Variants in CAMKV observed in about 807,000 individuals in gnomAD.
The protein encoded by CAMKV is caM kinase-like vesicle-associated protein.
A neutral mutation model predicts 50.2 loss-of-function variants in CAMKV; 5 were observed. That is an observed-to-expected ratio of 0.10 (90% CI 0.05 to 0.21). The LOEUF (loss-of-function observed/expected upper bound fraction) is 0.21. Among genes scored for constraint, CAMKV ranks in the 10% least tolerant of loss-of-function variants. The pLI, the probability that CAMKV is intolerant of heterozygous loss-of-function variation, is 1.00. For synonymous variants in CAMKV, 229 were observed against 250.1 expected, an observed-to-expected ratio of 0.92 and a Z score of 0.80; for missense variants, 361 against 650.5, an observed-to-expected ratio of 0.55 and a Z score of 4.84.
chr3:49,859,000 G>A lies in CAMKV; in HGVS notation c.*318C>T, dbSNP rs879804260. 1.7e-4 allele frequency: 46 copies of A among 264,594 alleles called. No homozygotes were observed. The highest frequency in any genetic ancestry group is 5.7e-4 in the African/African-American group (26 of 45,662). The allele number at this position is 264,594 out of a possible 1,614,324, so 16.4% of individuals were successfully genotyped here. A position where few individuals can be genotyped will look rare whatever the true frequency, so the allele number is the denominator to read the frequency against. On this transcript the variant is annotated 3_prime_UTR_variant, in exon 11 of 11. Transcript: ENST00000477224. ...TGAGGCAAGAAGGGAAGGGGAAGGA[G>A]AGCAGGAGCCCCCTGAGTATCCCTA...
rs550959053 is a variant in CAMKV, at chr3:49,858,550, T to C, written c.*768A>G. 7.6e-6 allele frequency: 3 copies of C among 393,586 alleles called. No individual in the cohort carries two copies. In the South Asian group the frequency reaches 4.3e-4, roughly 56 times the overall value. 24.4% of individuals were successfully genotyped at this position (393,586 alleles called of 1,614,324 possible). ...TGTACTCTGCCCTGCCAGGTCTCAT[T>C]GCCACGTCCTAATTGTTCCTCCTTT... On this transcript the variant is annotated 3_prime_UTR_variant, in exon 11 of 11. Coordinates refer to ENST00000477224, the MANE Select transcript of CAMKV (RefSeq NM_024046.5).
In CAMKV at chr3:49,861,985, GC is replaced by G. The variant is rs1372017461; in HGVS notation, c.227+59del. The G allele has an allele frequency of 1.9e-6, 3 of 1,610,832 alleles. No individual in the cohort carries two copies. The highest frequency in any genetic ancestry group is 2.5e-6 in the Non-Finnish European group (3 of 1,178,320). On this transcript the variant is annotated intron_variant, in intron 3 of 10. Coordinates refer to ENST00000477224, the MANE Select transcript of CAMKV (RefSeq NM_024046.5). This position sits in a 1 kb window ranked among gnomAD's most constrained non-coding sequence, Gnocchi z 7.7. ...AGGCTGGGACTGCCTGAGGCCACTT[GC>G]CCTCTAAGCCCTTCCCTGCTGCCTC...
intron 1 of CAMKV, among the ~76,000 whole-genome samples, chr3:49,868,805 C>T: frequency 6.6e-6 from 1 of 152,190 alleles, no homozygotes; most frequent in East Asian, 1.9e-4. Flanking sequence ...GGGAGTACAG[C>T]ACAGGGACTG....
chr3:49,864,650 T>C (rs1193939788), intron 1 of CAMKV, among the ~76,000 whole-genome samples: 2 of 152,164 alleles, frequency 1.3e-5, no homozygotes, highest in African/African-American at 4.8e-5. Flanking sequence ...AGTGTGACAC[T>C]GGGGCTACAG....
rs1329897289 is a variant in CAMKV at position 49,860,125 on chromosome 3, A to G, written c.942+46T>C. On this transcript the variant is annotated intron_variant, in intron 10 of 10. Transcript: ENST00000477224. This position sits in a 1 kb window ranked among gnomAD's most constrained non-coding sequence, Gnocchi z 6.1. ...TGCAGGCAAGAAACTGAGTGCCAGA[A>G]GCAATACTTGGGATAGAGCCAAGAA... The G allele has an allele frequency of 1.3e-6, 2 of 1,532,174 alleles. No homozygotes were observed. Among genetic ancestry groups the G allele is most frequent in the Non-Finnish European group, 1.8e-6 (2 of 1,105,716 alleles). 94.9% of individuals were successfully genotyped at this position (1,532,174 alleles called of 1,614,324 possible).
intron 1 of CAMKV, among the ~76,000 whole-genome samples, chr3:49,866,014 G>A (rs2082062235): frequency 6.6e-6 from 1 of 152,210 alleles, no homozygotes; most frequent in Non-Finnish European, 1.5e-5. Flanking sequence ...TCAGCCTGGA[G>A]CCATGTCCTG....
In CAMKV at chr3:49,861,280, G is replaced by A. The variant is rs748361726; in HGVS notation, c.462C>T (p.Tyr154=). 8.1e-6 allele frequency: 13 copies of A among 1,614,004 alleles called. No homozygotes were observed. The highest frequency in any genetic ancestry group is 1.1e-5 in the Non-Finnish European group (13 of 1,180,046). ...RNLKLENLVY[Y]NRLKNSKIVI... ...CAATCTTCGAGTTCTTCAGCCGGTT[G>A]TAGTAAACCAGGTTCTCCAGCTGTG... The change falls in exon 6 of 11, where the codon TAC becomes TAT. Residue 154 remains tyrosine (Y), a synonymous_variant. Coordinates refer to ENST00000477224, the MANE Select transcript of CAMKV (RefSeq NM_024046.5). The surrounding 1 kb of genome is among the most constrained non-coding windows in gnomAD (Gnocchi z 7.7).
At position 49,859,603 on chromosome 3, in the gene CAMKV, A is replaced by T. The variant is rs1326421924; in HGVS notation, c.1221T>A (p.Asp407Glu). 1 of 1,613,992 alleles carries T rather than the reference A, an allele frequency of 6.2e-7. No individual in the cohort carries two copies. The highest frequency in any genetic ancestry group is 1.7e-5 in the Admixed American group (1 of 60,016). ...ATDGSVTPAT[D>E]GSITPATDGS... ...CATCAGTGGCTGGAGTGATGCTTCC[A>T]TCGGTGGCTGGGGTGACACTGCCAT... The change falls in exon 11 of 11, where the codon GAT (aspartate) becomes GAA (glutamate). Residue 407 changes from aspartate (D) to glutamate (E), a missense_variant. Coordinates refer to ENST00000477224, the MANE Select transcript of CAMKV (RefSeq NM_024046.5). This position sits in a 1 kb window ranked among gnomAD's most constrained non-coding sequence, Gnocchi z 5.5.
rs540727920 is a variant in CAMKV at position 49,862,993 on chromosome 3, A to G, written c.-14-591T>C. Among the ~76,000 whole-genome samples, 2 of 152,392 alleles carry G rather than the reference A, an allele frequency of 1.3e-5. No homozygotes were observed. The highest frequency in any genetic ancestry group is 4.8e-5 in the African/African-American group (2 of 41,594). On this transcript the variant is annotated intron_variant, in intron 1 of 10. Transcript: ENST00000477224. The surrounding 1 kb of genome is among the most constrained non-coding windows in gnomAD (Gnocchi z 5.2). ...ATAGTAGCCATATACATAATCGCCAAAAATTGAAAACAGACCAAATACCAC... is the reference window on the plus strand; with the variant it reads ...ATAGTAGCCATATACATAATCGCCAGAAATTGAAAACAGACCAAATACCAC...
chr3:49,859,791 T>C lies in CAMKV; in HGVS notation c.1033A>G (p.Thr345Ala), dbSNP rs1471051101. The change falls in exon 11 of 11, where the codon ACT becomes GCT. Residue 345 changes from threonine to alanine, a missense_variant. Coordinates refer to ENST00000477224, the MANE Select transcript of CAMKV (RefSeq NM_024046.5). The surrounding 1 kb of genome is among the most constrained non-coding windows in gnomAD (Gnocchi z 5.5). ...AAAQSASATDTATPGAAGGAT... is the reference protein window; with the variant it reads ...AAAQSASATDAATPGAAGGAT... ...CCACCTGCAGCCCCGGGGGTGGCAG[T>C]GTCTGTGGCTGAGGCCGACTGGGCT... 1 of 1,551,620 alleles carries C rather than the reference T, an allele frequency of 6.4e-7. No homozygotes were observed. The highest frequency in any genetic ancestry group is 1.2e-5 in the South Asian group (1 of 81,576).
In CAMKV at chr3:49,861,022, C is replaced by G. The variant is rs772383085; in HGVS notation, c.563-4G>C. The stretch of plus-strand genomic sequence containing the variant: ...TGCCGGCCTACCACCTCTGGGGCTA[C>G]AAACACAGCGCCCATCTGCTGGTCA... On this transcript the variant is annotated splice_polypyrimidine_tract_variant and splice_region_variant and intron_variant, in intron 6 of 10. Transcript: ENST00000477224. This position sits in a 1 kb window ranked among gnomAD's most constrained non-coding sequence, Gnocchi z 7.7. 6.2e-7 allele frequency: 1 copy of G among 1,614,070 alleles called. No homozygotes were observed. The highest frequency in any genetic ancestry group is 1.7e-5 in the Admixed American group (1 of 60,014).
rs201137978 is a variant in CAMKV, at chr3:49,859,574, C to T, written c.1250G>A (p.Ser417Asn). The change falls in exon 11 of 11, where the codon AGT (serine) becomes AAT (asparagine). Residue 417 changes from serine to asparagine, a missense_variant. Ser to Asn is a conservative substitution (Grantham distance 46). Transcript: ENST00000477224. The surrounding 1 kb of genome is among the most constrained non-coding windows in gnomAD (Gnocchi z 5.5). ...GCTCCTGTCAGTGGCTGGGGTGACA[C>T]TCCCATCAGTGGCTGGAGTGATGCT... ...DGSITPATDG[S>N]VTPATDRSAT... 2.5e-6 allele frequency: 4 copies of T among 1,614,188 alleles called. No individual in the cohort carries two copies. The African/African-American group carries it at 4.0e-5, about 16-fold the overall frequency.
In CAMKV at chr3:49,859,699, C is replaced by A. The variant is rs1020690637; in HGVS notation, c.1125G>T (p.Lys375Asn). The A allele has an allele frequency of 1.2e-6, 2 of 1,611,398 alleles. No homozygotes were observed. Among genetic ancestry groups the A allele is most frequent in the Non-Finnish European group, 1.7e-6 (2 of 1,178,402 alleles). The change falls in exon 11 of 11, where the codon AAG becomes AAT. Residue 375 changes from lysine to asparagine, a missense_variant. Lys to Asn is a moderately conservative substitution (Grantham distance 94, BLOSUM62 0). This residue lies in a region of CAMKV where 87 missense variants were observed against 92.0 expected (regional missense o/e 0.95). Coordinates refer to ENST00000477224, the MANE Select transcript of CAMKV (RefSeq NM_024046.5). This position sits in a 1 kb window ranked among gnomAD's most constrained non-coding sequence, Gnocchi z 5.5. Reference sequence around the variant, plus strand: ...GGTCTGCGGGGGCCACATTATCACTCTTTGCAGCACGAGCAGCATCACCCT... The same window carrying A: ...GGTCTGCGGGGGCCACATTATCACTATTTGCAGCACGAGCAGCATCACCCT... Reference protein sequence around the residue: ...APEGDAARAAKSDNVAPADRS... With the variant: ...APEGDAARAANSDNVAPADRS...
At position 49,861,732 on chromosome 3, in the gene CAMKV, G is replaced by T. The variant is rs1238083755; in HGVS notation, c.302+59C>A. Reference sequence around the variant, plus strand: ...AAGGGGGTTTCCTTAGCTGCAGAGGGTGGGACAGGTGAAAGCCCTGGGCGC... The same window carrying T: ...AAGGGGGTTTCCTTAGCTGCAGAGGTTGGGACAGGTGAAAGCCCTGGGCGC... On this transcript the variant is annotated intron_variant, in intron 4 of 10. Transcript: ENST00000477224. The surrounding 1 kb of genome is among the most constrained non-coding windows in gnomAD (Gnocchi z 7.7). 6.9e-6 allele frequency: 11 copies of T among 1,599,426 alleles called. No homozygotes were observed. Among genetic ancestry groups the T allele is most frequent in the East Asian group, 4.5e-5 (2 of 44,808 alleles).
Position 49,859,973 on chromosome 3 carries a change from C to T in CAMKV, c.943-92G>A, listed in dbSNP as rs2108328392. The T allele has an allele frequency of 7.9e-7, 1 of 1,260,592 alleles. No individual in the cohort carries two copies. The highest frequency in any genetic ancestry group is 2.5e-5 in the East Asian group (1 of 40,382). 78.1% of individuals were successfully genotyped at this position (1,260,592 alleles called of 1,614,324 possible). A position where few individuals can be genotyped will look rare whatever the true frequency, so the allele number is the denominator to read the frequency against. ...AAACCAAACTCCTTCCATAGTACCC[C>T]CGGCCACCTCCATCCACCCCAGGGC... is the stretch of plus-strand genomic sequence containing the variant. On this transcript the variant is annotated intron_variant, in intron 10 of 10. Coordinates refer to ENST00000477224, the MANE Select transcript of CAMKV (RefSeq NM_024046.5). This position sits in a 1 kb window ranked among gnomAD's most constrained non-coding sequence, Gnocchi z 5.5.
At chr3:49,867,616 GA>G (rs1329691752) in intron 1 of CAMKV, among the ~76,000 whole-genome samples, 37 of 152,274 alleles carry the variant, frequency 2.4e-4, no homozygotes, top group African/African-American at 8.4e-4. Flanking sequence ...AAAACAAGGG[GA>G]GGGGGAGGGG....
rs2082026503 is a variant in CAMKV at position 49,862,094 on chromosome 3, C to T, written c.178G>A (p.Gly60Ser). The T allele has an allele frequency of 1.2e-6, 2 of 1,614,222 alleles. No homozygotes were observed. The highest frequency in any genetic ancestry group is 1.7e-6 in the Non-Finnish European group (2 of 1,180,042). ...HTCKKFQKRD[G>S]RKVRKAAKNE... ...TTGGCAGCTTTCCGCACCTTGCGGC[C>T]GTCCCGCTTCTGGAACTTCTTGCAG... Residue 60 changes from glycine to serine, a missense_variant, in exon 3 of 11, where the codon GGC becomes AGC. Gly to Ser is a moderately conservative substitution (Grantham distance 56). Transcript: ENST00000477224. The surrounding 1 kb of genome is among the most constrained non-coding windows in gnomAD (Gnocchi z 5.2).
Position 49,860,127 on chromosome 3 carries a change from C to T in CAMKV, c.942+44G>A. 1 of 1,539,794 alleles carries T rather than the reference C, an allele frequency of 6.5e-7. No homozygotes were observed. Among genetic ancestry groups the T allele is most frequent in the Non-Finnish European group, 9.0e-7 (1 of 1,112,604 alleles). ...CAGGCAAGAAACTGAGTGCCAGAAG[C>T]AATACTTGGGATAGAGCCAAGAAGG... On this transcript the variant is annotated intron_variant, in intron 10 of 10. Transcript: ENST00000477224. The surrounding 1 kb of genome is among the most constrained non-coding windows in gnomAD (Gnocchi z 6.1).
rs781225331 is a variant in CAMKV, at chr3:49,860,421, G to A, written c.854+50C>T. ...CCAGGCCTCAAAGATGGGGCTGCTG[G>A]GTGTGAGGGGGACCCTGGCCTCTCC... On this transcript the variant is annotated intron_variant, in intron 9 of 10. Transcript: ENST00000477224. This position sits in a 1 kb window ranked among gnomAD's most constrained non-coding sequence, Gnocchi z 6.1. 6 of 1,593,912 alleles carry A rather than the reference G, an allele frequency of 3.8e-6. No homozygotes were observed. The highest frequency in any genetic ancestry group is 5.1e-6 in the Non-Finnish European group (6 of 1,165,338).
Sources: gnomAD v4.1 joint callset for allele counts (sites outside exome capture counted in the v4.1 genomes callset) on GRCh38, gnomAD v4.1.1 for gene constraint, gnomAD v4.1.1 regional missense constraint, Gnocchi (gnomAD v3.1) non-coding constraint, MANE v1.5 for transcripts, NCBI Gene and HGNC (gene_info 2026-07-23, HGNC 2026-07-21) for gene names.